Variants in SEC11A observed in about 807,000 individuals in gnomAD.
The protein encoded by SEC11A is signal peptidase complex catalytic subunit SEC11A.
Under a neutral mutation model 25.6 loss-of-function variants are expected in SEC11A, and 14 were observed. The observed-to-expected ratio is 0.55, with a 90% CI of 0.36 to 0.85. The LOEUF is 0.85. Among genes scored for constraint, SEC11A ranks in the 40% least tolerant of loss-of-function variants. The pLI is 0.01. For missense variants in SEC11A, 153 were observed against 222.9 expected (o/e 0.69, Z 2.00); for synonymous variants, 83 against 76.4 (o/e 1.09, Z -0.45).
intron 1 of SEC11A, among the ~76,000 whole-genome samples, chr15:84,713,673 T>C (rs1372030276): frequency 6.6e-6 from 1 of 152,224 alleles, no homozygotes; most frequent in Non-Finnish European, 1.5e-5. Context: ...ATTCATTGTA[T>C]CTTCATGTTT....
chr15:84,710,985 G>A (rs1050272296), intron 1 of SEC11A, among the ~76,000 whole-genome samples: 1 of 151,222 alleles, frequency 6.6e-6, no homozygotes, highest in Non-Finnish European at 1.5e-5. Flanking sequence ...CAGGAGAATC[G>A]CTTGAACCCG....
intron 2 of SEC11A, among the ~76,000 whole-genome samples, chr15:84,689,029 CA>C (rs71453259): frequency 0.057 from 5,398 of 95,052 alleles, 183 homozygotes; most frequent in African/African-American, 0.17. Flanking sequence ...GACTCTGTCT[CA>C]AAAAAAAAAA....
intron 2 of SEC11A, among the ~76,000 whole-genome samples, chr15:84,688,620 C>T (rs767477091): frequency 3.9e-5 from 6 of 152,150 alleles, no homozygotes; most frequent in South Asian, 2.1e-4. Context: ...TAAAGTTCAA[C>T]GCAGGAATAA....
chr15:84,673,415 ATTC>A (rs1897052314), intron 4 of SEC11A: 1 of 177,124 alleles, frequency 5.6e-6, no homozygotes, highest in South Asian at 1.2e-4. Flanking sequence ...ACTAAGAAAA[ATTC>A]TTCTGCCTTG....
rs1301208219 is a variant in SEC11A, at chr15:84,670,724, C to A, written c.489+1G>T. The A allele has an allele frequency of 1.4e-6, 2 of 1,383,584 alleles. No individual in the cohort carries two copies. Among genetic ancestry groups the A allele is most frequent in the Non-Finnish European group, 2.0e-6 (2 of 998,232 alleles). The allele number at this position is 1,383,584 out of a possible 1,614,324, so 85.7% of individuals were successfully genotyped here. ...ATAAAACAAATAATACAGACTCTTA[C>A]CTTAAATTTAGGATAGTCATTCATG... On this transcript the variant is annotated splice_donor_variant, in intron 5 of 5. Coordinates refer to ENST00000268220, the MANE Select transcript of SEC11A (RefSeq NM_014300.4). LOFTEE classifies it high-confidence loss of function.
intron 1 of SEC11A, among the ~76,000 whole-genome samples, chr15:84,703,664 G>C (rs1041636829): frequency 2.6e-5 from 4 of 152,184 alleles, no homozygotes; most frequent in African/African-American, 7.2e-5. Flanking sequence ...TGCCTGGATG[G>C]AGAGATGACT....
chr15:84,711,353 GCCTGGTCAACA>G (rs1753881743), intron 1 of SEC11A, among the ~76,000 whole-genome samples: 1 of 151,798 alleles, frequency 6.6e-6, no homozygotes, highest in African/African-American at 2.4e-5. Context: ...CTGTACTCCA[GCCTGGTCAACA>G]GAGTGAGACC....
Position 84,669,813 on chromosome 15 carries a change from C to G in SEC11A, c.*206G>C. ...CAATGACAATTATGAAATCCTGTGA[C>G]TGAAAGTCCCCTCGAGTGCACTCTG... On this transcript the variant is annotated 3_prime_UTR_variant, in exon 6 of 6. Transcript: ENST00000268220. The G allele has an allele frequency of 3.0e-6, 2 of 663,756 alleles. No homozygotes were observed. Among genetic ancestry groups the G allele is most frequent in the East Asian group, 3.2e-5 (1 of 31,016 alleles). 41.1% of individuals were successfully genotyped at this position (663,756 alleles called of 1,614,324 possible). A position where few individuals can be genotyped will look rare whatever the true frequency, so the allele number is the denominator to read the frequency against.
At position 84,716,135 on chromosome 15, in the gene SEC11A, C is replaced by T; in HGVS notation, c.-60G>A. The stretch of plus-strand genomic sequence containing the variant: ...AGGGCGCGATGACCAGCGGGCGGAA[C>T]TACTGGAGCTCGGGTCGGGCTCACA... On this transcript the variant is annotated 5_prime_UTR_variant, in exon 1 of 6. Coordinates refer to ENST00000268220, the MANE Select transcript of SEC11A (RefSeq NM_014300.4). 6.5e-7 allele frequency: 1 copy of T among 1,528,238 alleles called. No homozygotes were observed. The highest frequency in any genetic ancestry group is 9.0e-7 in the Non-Finnish European group (1 of 1,105,246). The allele number at this position is 1,528,238 out of a possible 1,614,324, so 94.7% of individuals were successfully genotyped here.
intron 2 of SEC11A, among the ~76,000 whole-genome samples, chr15:84,691,073 C>CCT (rs1555424227): frequency 1.5e-5 from 2 of 132,984 alleles, no homozygotes; most frequent in Admixed American, 7.9e-5. Context: ...TCTTTTCTCT[C>CCT]TTTTTTTTTT....
At chr15:84,680,026 A>G in intron 4 of SEC11A, 2 of 1,127,770 alleles carry the variant, frequency 1.8e-6, no homozygotes, top group Non-Finnish European at 2.5e-6. Context: ...ATCAATTTCA[A>G]GACTAGAAAT....
intron 1 of SEC11A, among the ~76,000 whole-genome samples, chr15:84,694,790 CA>C (rs969437725): frequency 8.7e-5 from 13 of 149,316 alleles, no homozygotes; most frequent in South Asian, 2.1e-4. Context: ...TTTATCTCTA[CA>C]AAAAAAAATA....
intron 2 of SEC11A, 55 bp downstream of exon 2, chr15:84,691,480 T>A: frequency 1.0e-6 from 1 of 967,434 alleles, no homozygotes; most frequent in Non-Finnish European, 1.6e-6. Context: ...CATATCTCAA[T>A]TTTTCTCCCA....
At chr15:84,690,442 A>G (rs1057149064) in intron 2 of SEC11A, among the ~76,000 whole-genome samples, 2 of 151,874 alleles carry the variant, frequency 1.3e-5, no homozygotes, top group Non-Finnish European at 2.9e-5. Context: ...GGACTAATAC[A>G]CCGTCTCTAC....
chr15:84,699,339 G>A (rs2141908491), intron 1 of SEC11A, among the ~76,000 whole-genome samples: 2 of 148,446 alleles, frequency 1.3e-5, no homozygotes, highest in African/African-American at 2.5e-5. Context: ...AAAAAAACCA[G>A]GAAACAAAAA....
intron 1 of SEC11A, among the ~76,000 whole-genome samples, chr15:84,708,868 T>G (rs1898179145): frequency 6.6e-6 from 1 of 151,990 alleles, no homozygotes; most frequent in Admixed American, 6.6e-5. Flanking sequence ...AAGAGTTGGG[T>G]GATACTAAGA....
At chr15:84,684,447 T>G (rs937978091) in intron 3 of SEC11A, among the ~76,000 whole-genome samples, 1 of 152,112 alleles carries the variant, frequency 6.6e-6, no homozygotes, top group Non-Finnish European at 1.5e-5. Flanking sequence ...GCCTTCTGAT[T>G]GTGAGGCCTC....
chr15:84,670,357 C>A (rs1896951883), intron 5 of SEC11A: 1 of 296,776 alleles, frequency 3.4e-6, no homozygotes. Flanking sequence ...GTGCCTCAGC[C>A]TCCCCAGTAG....
intron 3 of SEC11A, among the ~76,000 whole-genome samples, chr15:84,682,487 C>G (rs757640885): frequency 6.6e-6 from 1 of 152,116 alleles, no homozygotes; most frequent in Non-Finnish European, 1.5e-5. Context: ...CTCACACTGT[C>G]GCCCAGGCTG....
Sources: gnomAD v4.1 joint callset for allele counts (sites outside exome capture counted in the v4.1 genomes callset) on GRCh38, gnomAD v4.1.1 for gene constraint, MANE v1.5 for transcripts, NCBI Gene and HGNC (gene_info 2026-07-23, HGNC 2026-07-21) for gene names.